The following LIG1 variants were observed in gnomAD, a reference collection of about 807,000 sequenced individuals.
The protein encoded by LIG1 is ligase I, DNA, ATP-dependent.
LIG1 carries 70 observed loss-of-function variants against 115.7 expected under a neutral mutation model. That is an observed-to-expected ratio of 0.60 (90% confidence interval 0.50 to 0.74). The LOEUF is 0.74. LIG1 is among the 30% of genes least tolerant of loss of function. The pLI is 0.00. For missense variants in LIG1, 1,115 were observed against 1,225.6 expected, an observed-to-expected ratio of 0.91 and a Z score of 1.35; for synonymous variants, 487 against 495.3, an observed-to-expected ratio of 0.98 and a Z score of 0.22.
At chr19:48,163,058 G>C (rs1450330219) in intron 2 of LIG1, among the ~76,000 whole-genome samples, 1 of 151,568 alleles carries the variant, frequency 6.6e-6, no homozygotes, top group African/African-American at 2.4e-5. Flanking sequence ...GGGATTACAG[G>C]TGCCCACCAC....
intron 6 of LIG1, among the ~76,000 whole-genome samples, chr19:48,152,505 C>T (rs1006664861): frequency 3.3e-5 from 5 of 152,112 alleles, no homozygotes; most frequent in Admixed American, 6.5e-5. Context: ...AACCAAATGA[C>T]GTTAAAGGCT....
chr19:48,119,218 G>A lies in LIG1; in HGVS notation c.2386-28C>T, dbSNP rs746908771. The A allele has an allele frequency of 3.8e-6, 6 of 1,567,984 alleles. No homozygotes were observed. In the Admixed American group the frequency reaches 1.1e-4, roughly 29 times the overall value. ...GCAGGGAGGAAGCGGGAGGTCAGAG[G>A]CTCAGCCAGCCACAGGCCCAGCACT... On this transcript the variant is annotated intron_variant, in intron 24 of 27. Transcript: ENST00000263274.
chr19:48,159,336 T>C (rs12986286), intron 4 of LIG1, among the ~76,000 whole-genome samples: 78,401 of 152,060 alleles, frequency 0.52, 20,497 homozygotes, highest in East Asian at 0.68. Flanking sequence ...TCCCAAAGTG[T>C]TGGGATTACA....
At chr19:48,127,691 C>T (rs2033760997) in intron 20 of LIG1, 2 of 639,236 alleles carry the variant, frequency 3.1e-6, no homozygotes, top group Non-Finnish European at 5.6e-6. Flanking sequence ...AGTAAAACAA[C>T]AGAGATGCCC....
At chr19:48,123,351 C>T (rs1391877502) in intron 21 of LIG1, 33 bp from the exon 22 acceptor site, 8 of 1,608,112 alleles carry the variant, frequency 5.0e-6, no homozygotes, top group Non-Finnish European at 6.8e-6. Flanking sequence ...AGAGATGAGA[C>T]ATCTTTGTGA....
Position 48,115,513 on chromosome 19 carries a change from C to T in LIG1, c.*136G>A. 7 of 697,262 alleles carry T rather than the reference C, an allele frequency of 1.0e-5. No homozygotes were observed. The highest frequency in any genetic ancestry group is 1.8e-5 in the Non-Finnish European group (7 of 384,236). The allele number at this position is 697,262 out of a possible 1,614,324, so 43.2% of individuals were successfully genotyped here. ...TCCCAGACTCCGGAGTAAGCCACCC[C>T]CTCACACACACACCCCTCCCCTGAC... is the stretch of plus-strand genomic sequence containing the variant. On this transcript the variant is annotated 3_prime_UTR_variant, in exon 28 of 28. Coordinates refer to ENST00000263274, the MANE Select transcript of LIG1 (RefSeq NM_000234.3).
In LIG1 at chr19:48,137,960, C is replaced by T. The variant is rs1405963747; in HGVS notation, c.1088-272G>A. On this transcript the variant is annotated intron_variant, in intron 12 of 27. Transcript: ENST00000263274. This position sits in a 1 kb window ranked among gnomAD's most constrained non-coding sequence, Gnocchi z 4.3. ...CCACACTCAGGGGAGACATCTGGGC[C>T]GGTGTCATCAGGGCGCGGATGGGAT... 55 of 557,788 alleles carry T rather than the reference C, an allele frequency of 9.9e-5. No homozygotes were observed. The East Asian group carries it at 1.1e-3, about 12-fold the overall frequency. The allele number at this position is 557,788 out of a possible 1,614,324, so 34.6% of individuals were successfully genotyped here.
chr19:48,158,810 A>G (rs1273238336), intron 4 of LIG1, among the ~76,000 whole-genome samples: 1 of 152,178 alleles, frequency 6.6e-6, no homozygotes, highest in Non-Finnish European at 1.5e-5. Flanking sequence ...TCAGAGTTGC[A>G]GGCTCTCGGG....
At chr19:48,119,088 G>A in intron 25 of LIG1, 49 bp downstream of exon 25, 2 of 1,453,136 alleles carry the variant, frequency 1.4e-6, no homozygotes, top group Non-Finnish European at 1.9e-6. Context: ...GTGCTGTCAG[G>A]GGCAGGGGGG....
At chr19:48,154,367 A>G (rs545657589) in intron 5 of LIG1, 56 of 303,298 alleles carry the variant, frequency 1.8e-4, no homozygotes, top group Non-Finnish European at 3.5e-4. Context: ...GGCAGGGAAT[A>G]AACTAGCCCC....
chr19:48,128,072 G>A, intron 19 of LIG1, 52 bp from the exon 20 acceptor site: 3 of 1,404,102 alleles, frequency 2.1e-6, no homozygotes, highest in Non-Finnish European at 2.0e-6. Context: ...AAGATGAGGT[G>A]GAAAGACAAA....
chr19:48,154,126 A>C, intron 5 of LIG1, 159 bp from the exon 6 acceptor site: 2 of 695,234 alleles, frequency 2.9e-6, no homozygotes, highest in East Asian at 2.8e-5. Flanking sequence ...GCACCCTTCA[A>C]TCCCTCCTGC....
chr19:48,159,973 TC>T (rs1326234955), intron 4 of LIG1, among the ~76,000 whole-genome samples: 3 of 152,188 alleles, frequency 2.0e-5, no homozygotes, highest in Non-Finnish European at 2.9e-5. Context: ...TGCCTCGGCC[TC>T]CCAAAGTGCT....
intron 9 of LIG1, among the ~76,000 whole-genome samples, chr19:48,146,906 G>A (rs1287949380): frequency 6.6e-6 from 1 of 152,272 alleles, no homozygotes; most frequent in South Asian, 2.1e-4. Flanking sequence ...GACCTGGCGA[G>A]GCCCGACCTA....
intron 8 of LIG1, 41 bp from the exon 9 acceptor site, chr19:48,149,882 C>T (rs767289967): frequency 4.0e-5 from 63 of 1,589,596 alleles, no homozygotes; most frequent in Admixed American, 6.9e-5. Flanking sequence ...TTTCTCCTTC[C>T]GGTAGCCCCC....
intron 22 of LIG1, 45 bp downstream of exon 22, chr19:48,123,129 C>T: frequency 6.2e-7 from 1 of 1,613,784 alleles, no homozygotes; most frequent in Non-Finnish European, 8.5e-7. Flanking sequence ...AGGCCGGGGT[C>T]AGCGCAAGCT....
rs62130986 is a variant in LIG1 at position 48,130,315 on chromosome 19, C to A, written c.1821+761G>T. Among the ~76,000 whole-genome samples, 339 of 152,340 alleles carry A rather than the reference C, an allele frequency of 2.2e-3. 6 individuals are homozygous for A. The highest frequency in any genetic ancestry group is 7.7e-3 in the African/African-American group (320 of 41,570). ...AACAGGCAGAATGATGGGCACCGTG[C>A]CCCCTGCTTTCTTAAATAACTTATT... On this transcript the variant is annotated intron_variant, in intron 19 of 27. Coordinates refer to ENST00000263274, the MANE Select transcript of LIG1 (RefSeq NM_000234.3).
rs1166598278 is a variant in LIG1 at position 48,157,014 on chromosome 19, C to T, written c.370G>A (p.Ala124Thr). Residue 124 changes from alanine (A) to threonine (T), a missense_variant and splice_region_variant, in exon 5 of 28, where the codon GCT becomes ACT. Transcript: ENST00000263274. ...GGGGCAGGGGCCCGTGTGTTCTCAC[C>T]TGTGCGACGCTTCGGAATCCCTGAT... is the stretch of plus-strand genomic sequence containing the variant. ...SPSGIPKRRT[A>T]RKQLPKRTIQ... 1.9e-6 allele frequency: 3 copies of T among 1,608,066 alleles called. No homozygotes were observed. Among genetic ancestry groups the T allele is most frequent in the Non-Finnish European group, 1.7e-6 (2 of 1,176,766 alleles).
chr19:48,158,012 G>A (rs866729001), intron 4 of LIG1, among the ~76,000 whole-genome samples: 3 of 152,026 alleles, frequency 2.0e-5, no homozygotes, highest in Middle Eastern at 3.2e-3. Flanking sequence ...TCCTCTCCTG[G>A]TTCACATGAG....
Sources: gnomAD v4.1 joint callset for allele counts (sites outside exome capture counted in the v4.1 genomes callset) on GRCh38, gnomAD v4.1.1 for gene constraint, Gnocchi (gnomAD v3.1) non-coding constraint, MANE v1.5 for transcripts, NCBI Gene and HGNC (gene_info 2026-07-23, HGNC 2026-07-21) for gene names.